CDKL3: variants seen among roughly 807,000 people sequenced by gnomAD.
CDKL3 encodes the protein cyclin dependent kinase like 3.
Under a neutral mutation model 69.3 loss-of-function variants are expected in CDKL3, and 65 were observed. The ratio of observed to expected loss-of-function variants is 0.94; its 90% CI spans 0.77 to 1.15. The LOEUF is 1.15. Ranked by LOEUF, CDKL3 falls within the 50% of genes most tolerant of loss-of-function variation. CDKL3 has a pLI of 0.00. For synonymous variants in CDKL3, 202 were observed against 221.6 expected (o/e 0.91, Z 0.79); for missense variants, 652 against 689.2 (o/e 0.95, Z 0.61).
intron 4 of CDKL3, among the ~76,000 whole-genome samples, chr5:134,345,098 T>C (rs1454176505): frequency 6.6e-6 from 1 of 151,800 alleles, no homozygotes; most frequent in East Asian, 1.9e-4. Flanking sequence ...TCTATAAAGA[T>C]AGAGAAGAGA....
chr5:134,327,164 G>A (rs1007019147), intron 4 of CDKL3, among the ~76,000 whole-genome samples: 2 of 152,172 alleles, frequency 1.3e-5, no homozygotes, highest in African/African-American at 2.4e-5. Context: ...AGTGTCAAGA[G>A]GAGGGAGACA....
intron 7 of CDKL3, among the ~76,000 whole-genome samples, chr5:134,309,997 A>G (rs1768969406): frequency 6.6e-6 from 1 of 151,762 alleles, no homozygotes; most frequent in African/African-American, 2.4e-5. Flanking sequence ...CACCCAGATA[A>G]TTTTTGTATT....
chr5:134,298,840 G>T, intron 12 of CDKL3, 130 bp from the exon 13 acceptor site: 2 of 1,256,242 alleles, frequency 1.6e-6, no homozygotes, highest in Non-Finnish European at 1.1e-6. Flanking sequence ...CAAGCCAAAA[G>T]ATTTGCTTCA....
downstream of CDKL3, among the ~76,000 whole-genome samples, chr5:134,295,298 C>T (rs1765301682): frequency 1.3e-5 from 2 of 151,934 alleles, no homozygotes; most frequent in African/African-American, 2.4e-5. Context: ...ATGACAGGTG[C>T]AAGCCACCAT....
At chr5:134,370,215 A>T (rs1423932823), upstream of CDKL3, among the ~76,000 whole-genome samples, 1 of 152,246 alleles carries the variant, frequency 6.6e-6, no homozygotes, top group Admixed American at 6.5e-5. Context: ...ACAGTTCCCC[A>T]AATGGATACA....
intron 6 of CDKL3, among the ~76,000 whole-genome samples, chr5:134,317,818 G>A (rs920614161): frequency 6.6e-6 from 1 of 151,990 alleles, no homozygotes; most frequent in Non-Finnish European, 1.5e-5. Context: ...TGAGTTGGGA[G>A]GATCAGCTGA....
intron 4 of CDKL3, among the ~76,000 whole-genome samples, chr5:134,330,489 C>A (rs1176958545): frequency 6.6e-6 from 1 of 152,066 alleles, no homozygotes; most frequent in East Asian, 1.9e-4. Flanking sequence ...CCAAGGCAGG[C>A]AGAGTGCTTG....
chr5:134,361,257 G>GT lies in CDKL3; in HGVS notation c.166-1167dup, dbSNP rs202216818. Among the ~76,000 whole-genome samples the GT allele has an allele frequency of 2.4e-3, 331 of 140,120 alleles. No homozygotes were observed. In the Middle Eastern group the frequency reaches 0.025, roughly 11 times the overall value. The allele number at this position is 140,120 out of a possible 152,430, so 91.9% of individuals were successfully genotyped here. On this transcript the variant is annotated intron_variant, in intron 2 of 12. Coordinates refer to ENST00000265334, the MANE Select transcript of CDKL3 (RefSeq NM_001113575.2). ...AGCTAAAAATGAAGGGTTTTTTTTT[G>GT]TTTTTTTTTTTAAGAGAACAAGTCT...
chr5:134,334,999 G>C (rs1776708371), intron 4 of CDKL3, among the ~76,000 whole-genome samples: 1 of 152,152 alleles, frequency 6.6e-6, no homozygotes. Flanking sequence ...GGGTGGTTCT[G>C]TGTTGGGTGC....
intron 7 of CDKL3, among the ~76,000 whole-genome samples, chr5:134,309,496 GTTTGA>G (rs1768808209): frequency 6.6e-6 from 1 of 152,168 alleles, no homozygotes; most frequent in African/African-American, 2.4e-5. Flanking sequence ...TTTGGTTTTA[GTTTGA>G]TTTCTTTCTT....
Position 134,312,235 on chromosome 5 carries a change from T to C in CDKL3, c.881+57A>G, listed in dbSNP as rs114497078. 1.1e-3 allele frequency: 1,084 copies of C among 1,017,864 alleles called. 7 individuals are homozygous for C. In the African/African-American group the frequency reaches 0.016, roughly 15 times the overall value. 63.1% of individuals were successfully genotyped at this position (1,017,864 alleles called of 1,614,324 possible). ...ACCTATACAGCAATTTTCCTGCTAGTAAAATTTCCCAATACAAAATGCTTT... is the reference window on the plus strand; with the variant it reads ...ACCTATACAGCAATTTTCCTGCTAGCAAAATTTCCCAATACAAAATGCTTT... On this transcript the variant is annotated intron_variant, in intron 7 of 12. Coordinates refer to ENST00000265334, the MANE Select transcript of CDKL3 (RefSeq NM_001113575.2).
chr5:134,359,500 T>TC (rs1428433344), intron 3 of CDKL3, among the ~76,000 whole-genome samples: 3 of 151,750 alleles, frequency 2.0e-5, no homozygotes, highest in Admixed American at 6.6e-5. Context: ...TACTTACTAT[T>TC]CCCCCCGCCT....
intron 3 of CDKL3, among the ~76,000 whole-genome samples, chr5:134,358,959 T>C (rs1043000689): frequency 6.6e-6 from 1 of 152,148 alleles, no homozygotes; most frequent in Non-Finnish European, 1.5e-5. Context: ...TGACACAGTT[T>C]AAATGCTTTA....
At chr5:134,348,487 C>T (rs1581162141) in intron 4 of CDKL3, among the ~76,000 whole-genome samples, 2 of 152,104 alleles carry the variant, frequency 1.3e-5, no homozygotes, top group South Asian at 2.1e-4. Flanking sequence ...TCCTAGAATC[C>T]AACCTTACTG....
chr5:134,336,330 T>C (rs1174216739), intron 4 of CDKL3, among the ~76,000 whole-genome samples: 2 of 152,240 alleles, frequency 1.3e-5, no homozygotes, highest in East Asian at 3.8e-4. Context: ...TTCTGTCAAC[T>C]TGTCAAACTC....
At chr5:134,367,778 C>T (rs538225253), upstream of CDKL3, among the ~76,000 whole-genome samples, 18 of 152,286 alleles carry the variant, frequency 1.2e-4, no homozygotes, top group Admixed American at 2.6e-4. Flanking sequence ...CCTCCCTCAC[C>T]ACATGTCAAA....
chr5:134,290,128 G>T (rs947709141), intron 8 of CDKL3, among the ~76,000 whole-genome samples: 13 of 152,172 alleles, frequency 8.5e-5, no homozygotes, highest in Admixed American at 4.6e-4. Context: ...GGCTGAGGCA[G>T]GCAAATCACA....
chr5:134,349,295 A>G (rs921377656), intron 4 of CDKL3, among the ~76,000 whole-genome samples: 6 of 152,192 alleles, frequency 3.9e-5, no homozygotes, highest in African/African-American at 1.4e-4. Flanking sequence ...TAAATCAGGT[A>G]TTAAATTACA....
chr5:134,362,152 T>C (rs1415646311), intron 2 of CDKL3, among the ~76,000 whole-genome samples: 1 of 152,220 alleles, frequency 6.6e-6, no homozygotes, highest in Non-Finnish European at 1.5e-5. Flanking sequence ...TTTTTCTCCA[T>C]TACTAGACAA....
Sources: allele counts gnomAD v4.1 joint callset (sites outside exome capture counted in the v4.1 genomes callset), GRCh38; gene constraint gnomAD v4.1.1; transcripts MANE v1.5; gene names NCBI Gene and HGNC (gene_info 2026-07-23, HGNC 2026-07-21).